The following PPFIA4 variants were observed in gnomAD, a reference collection of about 807,000 sequenced individuals.
The protein encoded by PPFIA4 is PPFI scaffold protein A4, also known as liprin-alpha-4.
A neutral mutation model predicts 145.7 loss-of-function variants in PPFIA4; 98 were observed. The observed-to-expected ratio is 0.67, with a 90% confidence interval of 0.57 to 0.80. The LOEUF (loss-of-function observed/expected upper bound fraction) is 0.80, where lower values mean the gene tolerates loss of function less well. Among genes scored for constraint, PPFIA4 ranks in the 30% least tolerant of loss-of-function variants. PPFIA4 has a pLI of 0.00. For missense variants in PPFIA4, 1,457 were observed against 1,632.7 expected (o/e 0.89, Z 1.85); for synonymous variants, 628 against 649.6 (o/e 0.97, Z 0.51).
At position 203,054,093 on chromosome 1, in the gene PPFIA4, G is replaced by A. The variant is rs962855257; in HGVS notation, c.1829+132G>A. ...GAGTACCACAGTTCAGGGACCCTCT[G>A]TGGGTCATCAGGCCCGCTGCCAGTG... is the stretch of plus-strand genomic sequence containing the variant. On this transcript the variant is annotated intron_variant, in intron 15 of 29. Coordinates refer to ENST00000295706, the MANE Select transcript of PPFIA4 (RefSeq NM_001304331.2). 5.6e-6 allele frequency: 6 copies of A among 1,079,066 alleles called. No individual in the cohort carries two copies. In the African/African-American group the frequency reaches 9.5e-5, roughly 17 times the overall value. 66.8% of individuals were successfully genotyped at this position (1,079,066 alleles called of 1,614,324 possible).
In PPFIA4 at chr1:203,028,386, G is replaced by A. The variant is rs2069478764; in HGVS notation, c.-400+1757G>A. Among the ~76,000 whole-genome samples, 3 of 152,144 alleles carry A rather than the reference G, an allele frequency of 2.0e-5. No individual in the cohort carries two copies. The East Asian group carries it at 5.8e-4, about 29-fold the overall frequency. On this transcript the variant is annotated intron_variant, in intron 1 of 29. Coordinates refer to ENST00000295706, the MANE Select transcript of PPFIA4 (RefSeq NM_001304331.2). ...AAGAGTTGTCAGGGATGGCTTATAG[G>A]TCCTCACAGAGCCTCTGAGGATGGC...
Position 203,052,054 on chromosome 1 carries a change from C to G in PPFIA4, c.1620+177C>G, listed in dbSNP as rs534683122. 2.0e-4 allele frequency among the ~76,000 whole-genome samples: 21 copies of G among 104,198 alleles called. 1 individual carries two copies. Among genetic ancestry groups the G allele is most frequent in the African/African-American group, 6.4e-4 (17 of 26,570 alleles). 68.4% of individuals were successfully genotyped at this position (104,198 alleles called of 152,430 possible). On this transcript the variant is annotated intron_variant, in intron 14 of 29. Transcript: ENST00000295706. ...CAGCTGCAACAGCTGTGCCCCCCCC[C>G]CCGCTTGCCTTGGCCTCCTGGTGGG...
intron 19 of PPFIA4, among the ~76,000 whole-genome samples, chr1:203,057,198 T>A (rs1661032424): frequency 6.6e-6 from 1 of 152,246 alleles, no homozygotes; most frequent in South Asian, 2.1e-4. Context: ...TTATTTGGCA[T>A]GCTGTGGAAA....
At chr1:203,059,872 T>C in intron 21 of PPFIA4, 21 bp downstream of exon 21, 2 of 1,591,060 alleles carry the variant, frequency 1.3e-6, no homozygotes, top group Non-Finnish European at 1.7e-6. Flanking sequence ...GCAAAGGGAG[T>C]CCACTCAGGG....
At chr1:203,033,532 G>C (rs570456923) in intron 1 of PPFIA4, among the ~76,000 whole-genome samples, 36 of 152,332 alleles carry the variant, frequency 2.4e-4, no homozygotes, top group African/African-American at 8.4e-4. Flanking sequence ...TGTCCCAGCT[G>C]TCTGAGGTGG....
Position 203,054,008 on chromosome 1 carries a change from G to C in PPFIA4, c.1829+47G>C, listed in dbSNP as rs752465411. The C allele has an allele frequency of 5.0e-5, 77 of 1,535,466 alleles. No individual in the cohort carries two copies. The South Asian group carries it at 7.2e-4, about 14-fold the overall frequency. On this transcript the variant is annotated intron_variant, in intron 15 of 29. Transcript: ENST00000295706. ...TTGGGAAGTGCATTGAAGGGCAGGG[G>C]GGCCCTTTGTGTTGGAAAAACCCTA...
chr1:203,060,620 A>T lies in PPFIA4; in HGVS notation c.2784+203A>T, dbSNP rs1661296051. ...GCAGCCTTGGTTCCCTGCCTTTCAC[A>T]TACCACCCATGGGGCTCCATCTCCC... is the stretch of plus-strand genomic sequence containing the variant. On this transcript the variant is annotated intron_variant, in intron 22 of 29. Coordinates refer to ENST00000295706, the MANE Select transcript of PPFIA4 (RefSeq NM_001304331.2). This position sits in a 1 kb window ranked among gnomAD's most constrained non-coding sequence, Gnocchi z 4.8. 6.6e-6 allele frequency among the ~76,000 whole-genome samples: 1 copy of T among 152,104 alleles called. No individual in the cohort carries two copies. Among genetic ancestry groups the T allele is most frequent in the Admixed American group, 6.5e-5 (1 of 15,274 alleles).
chr1:203,029,309 C>A (rs1218458257), intron 1 of PPFIA4, among the ~76,000 whole-genome samples: 1 of 152,222 alleles, frequency 6.6e-6, no homozygotes, highest in African/African-American at 2.4e-5. Flanking sequence ...GAATAGCCAT[C>A]TGCCTTTCAC....
chr1:203,034,203 G>A (rs1475827496), intron 1 of PPFIA4, among the ~76,000 whole-genome samples: 3 of 152,186 alleles, frequency 2.0e-5, no homozygotes, highest in Non-Finnish European at 2.9e-5. Context: ...GCTTAGCAAG[G>A]TGATCTAAGC....
chr1:203,063,774 C>T, intron 24 of PPFIA4, 54 bp from the exon 25 acceptor site: 1 of 1,595,346 alleles, frequency 6.3e-7, no homozygotes, highest in Non-Finnish European at 8.6e-7. Context: ...CAGCCTCAGC[C>T]TGCTGGCTCT....
At chr1:203,061,551 C>G in intron 23 of PPFIA4, 101 bp from the exon 24 acceptor site, 1 of 1,233,902 alleles carries the variant, frequency 8.1e-7, no homozygotes, top group Non-Finnish European at 1.1e-6. Context: ...CAGCCAGATA[C>G]TGGGATGTCT....
chr1:203,073,264 C>T (rs898308689), intron 28 of PPFIA4, among the ~76,000 whole-genome samples: 5 of 152,178 alleles, frequency 3.3e-5, no homozygotes, highest in African/African-American at 4.8e-5. Context: ...AGAGCAGGAC[C>T]GAAGCAGATG....
chr1:203,054,561 A>G (rs1478405363), intron 15 of PPFIA4, among the ~76,000 whole-genome samples: 1 of 152,140 alleles, frequency 6.6e-6, no homozygotes, highest in Non-Finnish European at 1.5e-5. Flanking sequence ...TATTAATGTT[A>G]ATGACAAACA....
At chr1:203,051,333 G>A (rs952354738) in intron 13 of PPFIA4, 71 of 988,506 alleles carry the variant, frequency 7.2e-5, no homozygotes, top group Non-Finnish European at 7.9e-5. Flanking sequence ...AAAAAACAAA[G>A]ACCCTCAGAG....
intron 2 of PPFIA4, among the ~76,000 whole-genome samples, chr1:203,040,242 C>T (rs1195793107): frequency 2.0e-5 from 3 of 152,176 alleles, no homozygotes; most frequent in African/African-American, 7.2e-5. Context: ...CCTCTCTGCC[C>T]CTCGTATGAG....
intron 1 of PPFIA4, chr1:203,035,637 A>G (rs533814806): frequency 3.3e-5 from 15 of 456,590 alleles, no homozygotes; most frequent in South Asian, 2.3e-4. Flanking sequence ...CTGAATCAGG[A>G]CCTGTGAGTG....
intron 2 of PPFIA4, 40 bp downstream of exon 2, chr1:203,039,282 C>G: frequency 6.9e-7 from 1 of 1,453,336 alleles, no homozygotes; most frequent in Non-Finnish European, 9.2e-7. Flanking sequence ...ACCCCTTTCC[C>G]TCCTCTAGCC....
chr1:203,056,091 C>T (rs1284847414), intron 16 of PPFIA4, 29 bp from the exon 17 acceptor site: 2 of 1,613,594 alleles, frequency 1.2e-6, no homozygotes, highest in Non-Finnish European at 1.7e-6. Context: ...GAGGGTGAGT[C>T]TGAGCTTACC....
chr1:203,045,621 G>C, intron 7 of PPFIA4, 62 bp downstream of exon 7: 1 of 1,486,154 alleles, frequency 6.7e-7, no homozygotes, highest in Non-Finnish European at 9.0e-7. Context: ...GGAGAGCCAG[G>C]CAAAGGCTCT....
Sources: gnomAD v4.1 joint callset for allele counts (sites outside exome capture counted in the v4.1 genomes callset) on GRCh38, gnomAD v4.1.1 for gene constraint, Gnocchi (gnomAD v3.1) non-coding constraint, MANE v1.5 for transcripts, NCBI Gene and HGNC (gene_info 2026-07-23, HGNC 2026-07-21) for gene names.